Variants in FREM2 observed in about 807,000 individuals in gnomAD.
FREM2 encodes FRAS1-related extracellular matrix protein 2.
Under a neutral mutation model 219.9 loss-of-function variants are expected in FREM2, and 119 were observed. The ratio of observed to expected loss-of-function variants is 0.54; its 90% confidence interval spans 0.47 to 0.63. FREM2 has a LOEUF of 0.63. Among genes scored for constraint, FREM2 ranks in the 30% least tolerant of loss-of-function variants. The probability of loss-of-function intolerance (pLI) is 0.00; values close to 1 mark genes in which losing one functional copy is unlikely to be tolerated. For synonymous variants in FREM2, 1,562 were observed against 1,522.8 expected, an observed-to-expected ratio of 1.03 and a Z score of -0.60; for missense variants, 4,030 against 3,993.6, an observed-to-expected ratio of 1.01 and a Z score of -0.25.
intron 4 of FREM2, among the ~76,000 whole-genome samples, chr13:38,777,932 G>C (rs1383554941): frequency 1.3e-5 from 2 of 152,198 alleles, no homozygotes; most frequent in Non-Finnish European, 2.9e-5. Context: ...AGAGCGAAGG[G>C]CACAGCCCAG....
At chr13:38,735,740 G>C (rs1174546632) in intron 2 of FREM2, among the ~76,000 whole-genome samples, 1 of 152,182 alleles carries the variant, frequency 6.6e-6, no homozygotes, top group Non-Finnish European at 1.5e-5. Flanking sequence ...CTGAGGTTCT[G>C]TTGTCTGAAA....
intron 11 of FREM2, among the ~76,000 whole-genome samples, chr13:38,852,660 T>A (rs1877413250): frequency 6.6e-6 from 1 of 151,768 alleles, no homozygotes; most frequent in Admixed American, 6.6e-5. Flanking sequence ...CTTAGAGATG[T>A]CTTTCATCCC....
chr13:38,776,769 A>T (rs1764654661), intron 4 of FREM2, among the ~76,000 whole-genome samples: 1 of 151,190 alleles, frequency 6.6e-6, no homozygotes, highest in Non-Finnish European at 1.5e-5. Context: ...TTGTCTCTAA[A>T]TCTAAAACTG....
At chr13:38,836,817 T>C (rs751020819) in intron 6 of FREM2, among the ~76,000 whole-genome samples, 1 of 152,182 alleles carries the variant, frequency 6.6e-6, no homozygotes, top group African/African-American at 2.4e-5. Flanking sequence ...TTATTGTGTC[T>C]ATTTGATTCT....
intron 6 of FREM2, 52 bp downstream of exon 6, chr13:38,784,860 G>T: frequency 6.3e-7 from 1 of 1,589,042 alleles, no homozygotes; most frequent in South Asian, 1.1e-5. Flanking sequence ...TCAACATCAG[G>T]AACAACTTTC....
At chr13:38,757,905 C>T (rs555327244) in intron 2 of FREM2, among the ~76,000 whole-genome samples, 3 of 152,254 alleles carry the variant, frequency 2.0e-5, no homozygotes, top group East Asian at 3.9e-4. Context: ...TCTTTCTCTA[C>T]ATTTCTCTAC....
intron 7 of FREM2, among the ~76,000 whole-genome samples, chr13:38,846,982 T>C (rs1261368138): frequency 1.3e-5 from 2 of 152,148 alleles, no homozygotes; most frequent in African/African-American, 4.8e-5. Flanking sequence ...TATATTTCCA[T>C]GAAGTGGTTC....
intron 6 of FREM2, among the ~76,000 whole-genome samples, chr13:38,833,653 G>A (rs1876597531): frequency 6.6e-6 from 1 of 152,044 alleles, no homozygotes; most frequent in African/African-American, 2.4e-5. Flanking sequence ...TGATTTCTTT[G>A]CTCAACAGAA....
intron 23 of FREM2, 96 bp from the exon 24 acceptor site, chr13:38,880,188 A>T (rs935783681): frequency 7.9e-7 from 1 of 1,265,336 alleles, no homozygotes; most frequent in East Asian, 2.3e-5. Context: ...AAAATCATTT[A>T]TTAATATCTC....
intron 6 of FREM2, among the ~76,000 whole-genome samples, chr13:38,822,728 A>G (rs1194209437): frequency 6.6e-6 from 1 of 152,074 alleles, no homozygotes; most frequent in Non-Finnish European, 1.5e-5. Context: ...AGTATATCTA[A>G]ATAGTAATAT....
At chr13:38,704,937 T>TG (rs1288421115) in intron 2 of FREM2, among the ~76,000 whole-genome samples, 5 of 152,074 alleles carry the variant, frequency 3.3e-5, no homozygotes, top group African/African-American at 1.2e-4. Context: ...GAGAACCGCA[T>TG]GGGGGAACCG....
intron 2 of FREM2, among the ~76,000 whole-genome samples, chr13:38,735,350 A>G (rs1871946973): frequency 6.6e-6 from 1 of 152,208 alleles, no homozygotes; most frequent in South Asian, 2.1e-4. Flanking sequence ...GAGTTTAGAT[A>G]CATAGAAGCC....
rs1878522128 is a variant in FREM2 at position 38,880,839 on chromosome 13, A to G, written c.*52A>G. ...CCGTAAGTGCCTCGGAAAAGATCACAATGGAACCTTAAATACTTCTGGTAA... is the reference window on the plus strand; with the variant it reads ...CCGTAAGTGCCTCGGAAAAGATCACGATGGAACCTTAAATACTTCTGGTAA... On this transcript the variant is annotated 3_prime_UTR_variant, in exon 24 of 24. Coordinates refer to ENST00000280481, the MANE Select transcript of FREM2 (RefSeq NM_207361.6). The G allele has an allele frequency of 1.9e-6, 3 of 1,597,060 alleles. No individual in the cohort carries two copies. The highest frequency in any genetic ancestry group is 2.6e-6 in the Non-Finnish European group (3 of 1,165,904).
chr13:38,807,131 T>G (rs1875260977), intron 6 of FREM2, among the ~76,000 whole-genome samples: 1 of 140,632 alleles, frequency 7.1e-6, no homozygotes, highest in African/African-American at 2.5e-5. Context: ...TGAATAAATT[T>G]TTTTCAACCC....
intron 6 of FREM2, among the ~76,000 whole-genome samples, chr13:38,821,109 G>A (rs767702425): frequency 5.3e-5 from 8 of 152,112 alleles, no homozygotes; most frequent in Non-Finnish European, 1.0e-4. Flanking sequence ...GTGTCCCTAT[G>A]TTCTCTGTGA....
chr13:38,854,171 T>C (rs1877474350), intron 11 of FREM2, among the ~76,000 whole-genome samples: 1 of 150,146 alleles, frequency 6.7e-6, no homozygotes, highest in Non-Finnish European at 1.5e-5. Context: ...AATTTTTTCA[T>C]GCTAAAATAG....
At chr13:38,737,053 A>G (rs1395112047) in intron 2 of FREM2, among the ~76,000 whole-genome samples, 2 of 152,134 alleles carry the variant, frequency 1.3e-5, no homozygotes, top group African/African-American at 4.8e-5. Context: ...TTACTGACTA[A>G]TATGAAGCCA....
chr13:38,870,311 A>G (rs1483753809), intron 16 of FREM2, among the ~76,000 whole-genome samples: 2 of 152,172 alleles, frequency 1.3e-5, no homozygotes, highest in Non-Finnish European at 2.9e-5. Flanking sequence ...ACAGTGTGTT[A>G]CTTTTTCCAT....
chr13:38,884,378 AT>A lies in FREM2; in HGVS notation c.*3598del, dbSNP rs1566178994. On this transcript the variant is annotated 3_prime_UTR_variant, in exon 24 of 24. Coordinates refer to ENST00000280481, the MANE Select transcript of FREM2 (RefSeq NM_207361.6). ...AGAGTTAAAATATTCCCAGGTTAAA[AT>A]TTTTTTAAAGTACCAATAATAGAGC... The A allele has an allele frequency of 6.6e-6, 1 of 152,120 alleles. No individual in the cohort carries two copies. The highest frequency in any genetic ancestry group is 2.1e-4 in the South Asian group (1 of 4,834). The allele number at this position is 152,120 out of a possible 1,614,324, so 9.4% of individuals were successfully genotyped here.
Sources: gnomAD v4.1 joint callset for allele counts (sites outside exome capture counted in the v4.1 genomes callset) on GRCh38, gnomAD v4.1.1 for gene constraint, MANE v1.5 for transcripts, NCBI Gene and HGNC (gene_info 2026-07-23, HGNC 2026-07-21) for gene names.